The following SNTG1 variants were observed in gnomAD, a reference collection of about 807,000 sequenced individuals.
SNTG1 encodes gamma-1-syntrophin.
Under a neutral mutation model 74.7 loss-of-function variants are expected in SNTG1, and 39 were observed. That is an observed-to-expected ratio of 0.52 (90% CI 0.40 to 0.68). The LOEUF (loss-of-function observed/expected upper bound fraction) is 0.68. SNTG1 is among the 30% of genes least tolerant of loss of function. The probability of loss-of-function intolerance (pLI) is 0.00; values close to 1 mark genes in which losing one functional copy is unlikely to be tolerated. For synonymous variants in SNTG1, 254 were observed against 217.1 expected, an observed-to-expected ratio of 1.17 and a Z score of -1.49; for missense variants, 685 against 609.5, an observed-to-expected ratio of 1.12 and a Z score of -1.30.
At chr8:50,189,579 C>T (rs1374979297) in intron 2 of SNTG1, among the ~76,000 whole-genome samples, 1 of 152,024 alleles carries the variant, frequency 6.6e-6, no homozygotes, top group Non-Finnish European at 1.5e-5. Context: ...TGTTTTGTTT[C>T]TGAATTTGTT....
At chr8:50,407,531 G>A (rs1011150014) in intron 4 of SNTG1, among the ~76,000 whole-genome samples, 1 of 152,298 alleles carries the variant, frequency 6.6e-6, no homozygotes, top group Non-Finnish European at 1.5e-5. Context: ...TAGGGAGGAA[G>A]TTGTTTATAT....
intron 15 of SNTG1, among the ~76,000 whole-genome samples, chr8:50,699,147 CT>C: frequency 6.6e-6 from 1 of 151,436 alleles, no homozygotes; most frequent in African/African-American, 2.4e-5. Flanking sequence ...GTACCCTGTG[CT>C]TTTTTTTAAA....
Position 50,470,760 on chromosome 8 carries a change from A to G in SNTG1, c.363+20031A>G, listed in dbSNP as rs553173156. On this transcript the variant is annotated intron_variant, in intron 8 of 18. Coordinates refer to ENST00000642720, the MANE Select transcript of SNTG1 (RefSeq NM_018967.5). ...AGCTCATAAAGGTAGTGCGGACCCA[A>G]AGAGTGAGCAGCAGCAAGATTTATG... 1.9e-4 allele frequency among the ~76,000 whole-genome samples: 29 copies of G among 152,266 alleles called. No individual in the cohort carries two copies. The South Asian group carries it at 6.0e-3, about 32-fold the overall frequency.
At chr8:50,355,313 T>C (rs145752720) in intron 2 of SNTG1, among the ~76,000 whole-genome samples, 1 of 152,060 alleles carries the variant, frequency 6.6e-6, no homozygotes, top group African/African-American at 2.4e-5. Context: ...CCACCTCCAA[T>C]CGAAATGACA....
At chr8:50,102,052 A>C (rs1394138360) in intron 1 of SNTG1, among the ~76,000 whole-genome samples, 2 of 152,136 alleles carry the variant, frequency 1.3e-5, no homozygotes, top group African/African-American at 4.8e-5. Context: ...AGCATGATTT[A>C]TAATCCTTTG....
chr8:50,394,729 T>C (rs934316551), intron 3 of SNTG1, among the ~76,000 whole-genome samples: 2 of 152,174 alleles, frequency 1.3e-5, no homozygotes, highest in African/African-American at 4.8e-5. Context: ...CAGCACGAGT[T>C]AAAGTGGCAC....
At chr8:50,579,979 G>A (rs149636058) in intron 12 of SNTG1, among the ~76,000 whole-genome samples, 101 of 152,276 alleles carry the variant, frequency 6.6e-4, no homozygotes, top group Admixed American at 6.3e-3. Context: ...GGCTTGCACC[G>A]TGTGCTGGGA....
At chr8:50,045,658 G>A (rs1819022550) in intron 1 of SNTG1, among the ~76,000 whole-genome samples, 1 of 152,108 alleles carries the variant, frequency 6.6e-6, no homozygotes, top group African/African-American at 2.4e-5. Flanking sequence ...AATATGTGTT[G>A]TTGTAATCAA....
At chr8:50,567,474 G>A (rs1020151117) in intron 12 of SNTG1, among the ~76,000 whole-genome samples, 7 of 152,080 alleles carry the variant, frequency 4.6e-5, no homozygotes, top group East Asian at 3.9e-4. Flanking sequence ...ATATGTGTAT[G>A]TGTATAAATG....
At chr8:50,202,032 C>T (rs4873421) in intron 2 of SNTG1, among the ~76,000 whole-genome samples, 1 of 151,850 alleles carries the variant, frequency 6.6e-6, no homozygotes, top group Admixed American at 6.6e-5. Flanking sequence ...TCTTATGTGC[C>T]GTTCTTTTTG....
intron 12 of SNTG1, among the ~76,000 whole-genome samples, chr8:50,576,153 T>C (rs2094575619): frequency 6.6e-6 from 1 of 152,216 alleles, no homozygotes; most frequent in South Asian, 2.1e-4. Context: ...GGGTTAATTT[T>C]TGAATATAAT....
At chr8:49,911,340 TCCTCTCTCTCTCTCTCTG>T (rs955174660), upstream of SNTG1, 3 of 151,140 alleles carry the variant, frequency 2.0e-5, no homozygotes, top group African/African-American at 7.3e-5. Flanking sequence ...TTCTCTCTCT[TCCTCTCTCTCTCTCTCTG>T]CCTCTCTCGT....
chr8:50,075,663 T>G (rs2131036110), intron 1 of SNTG1, among the ~76,000 whole-genome samples: 1 of 152,262 alleles, frequency 6.6e-6, no homozygotes, highest in East Asian at 1.9e-4. Flanking sequence ...TCAGTAAATC[T>G]TGCTGCTGCT....
At chr8:50,458,758 C>T (rs2093531977) in intron 8 of SNTG1, among the ~76,000 whole-genome samples, 1 of 116,972 alleles carries the variant, frequency 8.5e-6, no homozygotes, top group African/African-American at 3.2e-5. Flanking sequence ...TGCCATATCA[C>T]TTTTATTAAT....
chr8:50,297,002 C>A (rs1010692134), intron 2 of SNTG1, among the ~76,000 whole-genome samples: 7 of 152,102 alleles, frequency 4.6e-5, no homozygotes, highest in Non-Finnish European at 7.4e-5. Context: ...TGGGGTCCAC[C>A]TTATCCATCC....
At chr8:50,074,329 G>A (rs775725104) in intron 1 of SNTG1, among the ~76,000 whole-genome samples, 5 of 152,100 alleles carry the variant, frequency 3.3e-5, no homozygotes, top group Non-Finnish European at 7.4e-5. Flanking sequence ...TGAGAGTTAT[G>A]GCCTTGCTGT....
intron 2 of SNTG1, among the ~76,000 whole-genome samples, chr8:50,380,725 CTG>C (rs1334828034): frequency 6.6e-6 from 1 of 152,108 alleles, no homozygotes; most frequent in African/African-American, 2.4e-5. Context: ...ATAAATTTGG[CTG>C]TGTTTGTCTC....
At chr8:50,739,246 G>C (rs925382397) in intron 17 of SNTG1, among the ~76,000 whole-genome samples, 2 of 151,944 alleles carry the variant, frequency 1.3e-5, no homozygotes, top group African/African-American at 2.4e-5. Context: ...ATCAAAAAGT[G>C]GGCCAAGTAT....
At chr8:50,397,367 T>G (rs1483775520) in intron 3 of SNTG1, among the ~76,000 whole-genome samples, 1 of 152,212 alleles carries the variant, frequency 6.6e-6, no homozygotes, top group Non-Finnish European at 1.5e-5. Flanking sequence ...TCTAAACAAT[T>G]TGGGTCCACA....
Sources: allele counts gnomAD v4.1 joint callset (sites outside exome capture counted in the v4.1 genomes callset), GRCh38; gene constraint gnomAD v4.1.1; transcripts MANE v1.5; gene names NCBI Gene and HGNC (gene_info 2026-07-23, HGNC 2026-07-21).